ADARB2: variants seen among roughly 807,000 people sequenced by gnomAD.
ADARB2 encodes the protein inactive double-stranded RNA-specific editase B2.
A neutral mutation model predicts 62.2 loss-of-function variants in ADARB2; 25 were observed. That is an observed-to-expected ratio of 0.40 (90% CI 0.29 to 0.56). ADARB2 has a LOEUF of 0.56. ADARB2 is among the 20% of genes least tolerant of loss of function. The pLI is 0.43. For missense variants in ADARB2, 1,071 were observed against 1,077.4 expected (o/e 0.99, Z 0.08); for synonymous variants, 572 against 500.8 (o/e 1.14, Z -1.90).
intron 1 of ADARB2, among the ~76,000 whole-genome samples, chr10:1,557,272 G>A (rs1453630498): frequency 2.0e-5 from 3 of 151,836 alleles, no homozygotes; most frequent in Non-Finnish European, 4.4e-5. Context: ...CTTGGTGCTG[G>A]GCTCCTGCCT....
At chr10:1,569,088 CAGACAGAGAG>C (rs1832900051) in intron 1 of ADARB2, among the ~76,000 whole-genome samples, 1 of 149,482 alleles carries the variant, frequency 6.7e-6, no homozygotes, top group Non-Finnish European at 1.5e-5. Flanking sequence ...CACACAGAGA[CAGACAGAGAG>C]AGACAGGGAT....
intron 1 of ADARB2, among the ~76,000 whole-genome samples, chr10:1,699,658 C>T (rs1834798032): frequency 3.5e-5 from 1 of 28,368 alleles, no homozygotes; most frequent in African/African-American, 1.3e-4. Context: ...AGGCGCTAGT[C>T]AATACACTCA....
At chr10:1,529,929 T>C (rs12415511) in intron 1 of ADARB2, among the ~76,000 whole-genome samples, 3 of 18,580 alleles carry the variant, frequency 1.6e-4, no homozygotes, top group African/African-American at 2.5e-4. Context: ...ACCCTGCCAC[T>C]GCAGGGACCC....
At chr10:1,710,681 GAGGCACGAGGAATGCCGTTGGGCACCT>G (rs1320011761) in intron 1 of ADARB2, among the ~76,000 whole-genome samples, 9 of 152,240 alleles carry the variant, frequency 5.9e-5, no homozygotes, top group Non-Finnish European at 8.8e-5. Context: ...GGACTGCAGA[GAGGCACGAGGAATGCCGTTGGGCACCT>G]GACTGTGAGC....
chr10:1,484,095 A>G (rs1487762944), intron 1 of ADARB2, among the ~76,000 whole-genome samples: 1 of 152,234 alleles, frequency 6.6e-6, no homozygotes, highest in African/African-American at 2.4e-5. Flanking sequence ...CAATAAGCCC[A>G]TAAGCACAAC....
At chr10:1,266,921 G>C (rs1168965378) in intron 4 of ADARB2, among the ~76,000 whole-genome samples, 5 of 151,994 alleles carry the variant, frequency 3.3e-5, no homozygotes, top group South Asian at 2.1e-4. Context: ...ATGAGCTGTA[G>C]GATAAATTTA....
chr10:1,216,620 AC>A (rs1830624257), intron 7 of ADARB2: 1 of 345,962 alleles, frequency 2.9e-6, no homozygotes, highest in Admixed American at 4.5e-5. Flanking sequence ...GCCTATGGCC[AC>A]CCCGACTGGC....
At chr10:1,714,860 A>T (rs958441215) in intron 1 of ADARB2, among the ~76,000 whole-genome samples, 1 of 152,092 alleles carries the variant, frequency 6.6e-6, no homozygotes. Context: ...CTATTTTTTA[A>T]AATTATTATA....
intron 1 of ADARB2, among the ~76,000 whole-genome samples, chr10:1,644,682 C>T (rs1834017610): frequency 6.6e-6 from 1 of 152,234 alleles, no homozygotes; most frequent in Non-Finnish European, 1.5e-5. Context: ...CTTGTCTGTA[C>T]AAGAAAGGCT....
chr10:1,316,382 G>A (rs1343788712), intron 3 of ADARB2, among the ~76,000 whole-genome samples: 1 of 152,204 alleles, frequency 6.6e-6, no homozygotes, highest in African/African-American at 2.4e-5. Flanking sequence ...TGGCCTTGTC[G>A]CAGCCCTTGC....
At chr10:1,624,235 G>GA (rs1335747954) in intron 1 of ADARB2, among the ~76,000 whole-genome samples, 2 of 150,812 alleles carry the variant, frequency 1.3e-5, no homozygotes, top group South Asian at 2.1e-4. Flanking sequence ...TCCTGTCTCG[G>GA]AAAAAACAAA....
rs530043023 is a variant in ADARB2 at position 1,588,470 on chromosome 10, C to G, written c.100+148581G>C. On this transcript the variant is annotated intron_variant, in intron 1 of 9. Transcript: ENST00000381312. ...GTGCAGATTGTCTTAAACAGATTCC[C>G]CCTTGGTAGACAGAGCTAGGTAGGC... 3.9e-5 allele frequency among the ~76,000 whole-genome samples: 6 copies of G among 152,254 alleles called. No individual in the cohort carries two copies. In the East Asian group the frequency reaches 5.8e-4, roughly 15 times the overall value.
rs796749810 is a variant in ADARB2, at chr10:1,327,395, T to G, written c.1077+35633A>C. 1.5e-4 allele frequency among the ~76,000 whole-genome samples: 7 copies of G among 47,660 alleles called. 1 individual carries two copies. The highest frequency in any genetic ancestry group is 3.4e-4 in the African/African-American group (3 of 8,796). The allele number at this position is 47,660 out of a possible 152,430, so 31.3% of individuals were successfully genotyped here. On this transcript the variant is annotated intron_variant, in intron 3 of 9. Coordinates refer to ENST00000381312, the MANE Select transcript of ADARB2 (RefSeq NM_018702.4). ...TCCCCACGGCACAGCGCCTCCCCAC[T>G]GCACAGCGCCTCCCCACTGCCCAGC...
intron 1 of ADARB2, among the ~76,000 whole-genome samples, chr10:1,640,373 T>C (rs1184633628): frequency 6.6e-6 from 1 of 152,186 alleles, no homozygotes; most frequent in Non-Finnish European, 1.5e-5. Context: ...CTAGTGTTGT[T>C]GAAAGAAAGT....
intron 8 of ADARB2, among the ~76,000 whole-genome samples, chr10:1,189,827 A>ACAGC (rs1564215054): frequency 3.5e-5 from 3 of 86,202 alleles, no homozygotes; most frequent in African/African-American, 5.9e-5. Flanking sequence ...CCTTCCCCAG[A>ACAGC]ACACGTGGCG....
chr10:1,358,057 A>C (rs1476068459), intron 3 of ADARB2, among the ~76,000 whole-genome samples: 1 of 152,202 alleles, frequency 6.6e-6, no homozygotes, highest in East Asian at 1.9e-4. Context: ...GAAGTAACAG[A>C]GAGAGAGACA....
At chr10:1,471,389 G>T (rs1831320175) in intron 1 of ADARB2, among the ~76,000 whole-genome samples, 1 of 151,730 alleles carries the variant, frequency 6.6e-6, no homozygotes, top group Admixed American at 6.6e-5. Flanking sequence ...GCAGACCTTT[G>T]TACAATTTTT....
intron 4 of ADARB2, among the ~76,000 whole-genome samples, chr10:1,268,960 T>G (rs1055645790): frequency 2.0e-5 from 3 of 152,220 alleles, no homozygotes; most frequent in Non-Finnish European, 2.9e-5. Context: ...TTGCCAGATT[T>G]GTTTCCCAGA....
intron 4 of ADARB2, among the ~76,000 whole-genome samples, chr10:1,267,129 T>TC (rs1305312974): frequency 7.2e-6 from 1 of 139,792 alleles, no homozygotes; most frequent in African/African-American, 2.7e-5. Flanking sequence ...TATTCTTAAA[T>TC]CCAAGTTAAA....
Sources: gnomAD v4.1 joint callset for allele counts (sites outside exome capture counted in the v4.1 genomes callset) on GRCh38, gnomAD v4.1.1 for gene constraint, MANE v1.5 for transcripts, NCBI Gene and HGNC (gene_info 2026-07-23, HGNC 2026-07-21) for gene names.